Variants in THTPA observed in about 807,000 individuals in gnomAD.
The protein encoded by THTPA is thiamine-triphosphatase.
THTPA carries 16 observed loss-of-function variants against 16.5 expected under a neutral mutation model. That is an observed-to-expected ratio of 0.97 (90% CI 0.66 to 1.47). The LOEUF is 1.47. THTPA is among the 40% of genes most tolerant of loss of function. THTPA has a pLI of 0.00. For synonymous variants in THTPA, 110 were observed against 115.5 expected, an observed-to-expected ratio of 0.95 and a Z score of 0.30; for missense variants, 281 against 280.9, an observed-to-expected ratio of 1.00 and a Z score of 0.00.
the THTPA span, among the ~76,000 whole-genome samples, chr14:23,536,770 G>A: frequency 6.6e-6 from 1 of 152,142 alleles, no homozygotes; most frequent in Non-Finnish European, 1.5e-5. Flanking sequence ...CAAAGTTGTG[G>A]TCTAGACTCC....
chr14:23,525,484 C>T, the THTPA span: 1 of 1,535,860 alleles, frequency 6.5e-7, no homozygotes, highest in Non-Finnish European at 8.7e-7. This position sits in a 1 kb window ranked among gnomAD's most constrained non-coding sequence, Gnocchi z 5.9. Context: ...AGAAGAGTTT[C>T]CCACAGGCCC....
At chr14:23,550,791 AAACG>A in the THTPA span, among the ~76,000 whole-genome samples, 2 of 152,108 alleles carry the variant, frequency 1.3e-5, no homozygotes, top group Non-Finnish European at 2.9e-5. Flanking sequence ...CTTCAGCCAA[AAACG>A]AACGAAGACT....
Position 23,556,460 on chromosome 14 carries a change from ACCCGCT to A in THTPA, c.-297_-292del. On this transcript the variant is annotated 5_prime_UTR_variant, in exon 1 of 2. Transcript: ENST00000288014. ...GTAGAGAGGGGGGCGTTGAAAGGAC[ACCCGCT>A]ACCCGGCCTGCTTTCTAGGGGTCTC... is the stretch of plus-strand genomic sequence containing the variant. 2 of 370,266 alleles carry A rather than the reference ACCCGCT, an allele frequency of 5.4e-6. No homozygotes were observed. Among genetic ancestry groups the A allele is most frequent in the Non-Finnish European group, 9.8e-6 (2 of 204,394 alleles). The allele number at this position is 370,266 out of a possible 1,614,324, so 22.9% of individuals were successfully genotyped here. A position where few individuals can be genotyped will look rare whatever the true frequency, so the allele number is the denominator to read the frequency against.
At chr14:23,522,387 C>T in the THTPA span, 2 of 1,536,310 alleles carry the variant, frequency 1.3e-6, no homozygotes, top group Non-Finnish European at 8.7e-7. Context: ...AGCTCATCAA[C>T]CTCACCAGCT....
the THTPA span, chr14:23,524,479 G>T: frequency 6.5e-7 from 1 of 1,532,302 alleles, no homozygotes. The surrounding 1 kb of genome is among the most constrained non-coding windows in gnomAD (Gnocchi z 5.6). Flanking sequence ...TTGGTGAGGT[G>T]GCTGCCACCA....
chr14:23,552,284 C>T (rs1882027882), upstream of THTPA, among the ~76,000 whole-genome samples: 1 of 150,710 alleles, frequency 6.6e-6, no homozygotes, highest in Non-Finnish European at 1.5e-5. Context: ...TTAAGTGCTC[C>T]TGAATTTTTT....
At chr14:23,535,460 C>G in the THTPA span, 1 of 1,153,490 alleles carries the variant, frequency 8.7e-7, no homozygotes, top group East Asian at 2.7e-5. This position sits in a 1 kb window ranked among gnomAD's most constrained non-coding sequence, Gnocchi z 4.5. Flanking sequence ...CCTGCCCCAT[C>G]CTCTTCCCTG....
At chr14:23,515,720 G>A in the THTPA span, among the ~76,000 whole-genome samples, 4 of 152,180 alleles carry the variant, frequency 2.6e-5, no homozygotes, top group Non-Finnish European at 4.4e-5. Context: ...GATAGGACCT[G>A]CCCAGAGGTA....
At position 23,559,417 on chromosome 14, in the gene THTPA, A is replaced by G. The variant is rs1363679430; in HGVS notation, c.*577A>G. 1.3e-5 allele frequency: 4 copies of G among 318,592 alleles called. No individual in the cohort carries two copies. Among genetic ancestry groups the G allele is most frequent in the Non-Finnish European group, 2.4e-5 (4 of 166,622 alleles). 19.7% of individuals were successfully genotyped at this position (318,592 alleles called of 1,614,324 possible). ...GGCAAATTTGTTCCCTGACCTGGAGAGGGTTAGAAAGAACCAACAGCTGCC... is the reference window on the plus strand; with the variant it reads ...GGCAAATTTGTTCCCTGACCTGGAGGGGGTTAGAAAGAACCAACAGCTGCC... On this transcript the variant is annotated 3_prime_UTR_variant, in exon 2 of 2. Coordinates refer to ENST00000288014, the MANE Select transcript of THTPA (RefSeq NM_024328.6).
the THTPA span, chr14:23,532,486 A>G: frequency 3.6e-6 from 5 of 1,385,140 alleles, no homozygotes; most frequent in African/African-American, 2.9e-5. Context: ...GGGTTTTCCT[A>G]TCACTTTCTT....
chr14:23,555,544 A>G (rs548214228), upstream of THTPA, among the ~76,000 whole-genome samples: 113 of 152,250 alleles, frequency 7.4e-4, no homozygotes, highest in African/African-American at 2.6e-3. Context: ...TTCCTGGCCA[A>G]AATACCACTT....
At chr14:23,522,502 A>G in the THTPA span, 4 of 1,533,428 alleles carry the variant, frequency 2.6e-6, no homozygotes, top group South Asian at 4.8e-5. Flanking sequence ...GGAGCAGCCC[A>G]ATGAGGGTCT....
chr14:23,539,393 T>A, the THTPA span, among the ~76,000 whole-genome samples: 3 of 152,044 alleles, frequency 2.0e-5, no homozygotes, highest in Non-Finnish European at 4.4e-5. Context: ...GGTGGGAAGA[T>A]ACACATTAGG....
the THTPA span, chr14:23,522,294 C>G: frequency 3.3e-6 from 5 of 1,508,404 alleles, no homozygotes; most frequent in Non-Finnish European, 4.4e-6. Flanking sequence ...GCCGGGGCCT[C>G]CCCGTCAAAT....
At chr14:23,521,990 G>A in the THTPA span, 214 of 1,536,404 alleles carry the variant, frequency 1.4e-4, 1 homozygote, top group South Asian at 5.1e-4. Flanking sequence ...AGAGGTAGTC[G>A]TAGTTTTTGG....
chr14:23,525,016 C>T, the THTPA span: 1 of 1,536,236 alleles, frequency 6.5e-7, no homozygotes, highest in Non-Finnish European at 8.7e-7. This position sits in a 1 kb window ranked among gnomAD's most constrained non-coding sequence, Gnocchi z 5.9. Flanking sequence ...CATTCTGGAA[C>T]CACACCACCA....
the THTPA span, chr14:23,530,058 T>C: frequency 2.1e-5 from 30 of 1,423,662 alleles, no homozygotes; most frequent in Middle Eastern, 1.9e-3. Flanking sequence ...CCTGGATTAC[T>C]GCAAGGTCCC....
In THTPA at chr14:23,559,521, C is replaced by T; in HGVS notation, c.*681C>T. The T allele has an allele frequency of 1.9e-6, 1 of 536,446 alleles. No homozygotes were observed. Among genetic ancestry groups the T allele is most frequent in the South Asian group, 2.1e-5 (1 of 48,600 alleles). The allele number at this position is 536,446 out of a possible 1,614,324, so 33.2% of individuals were successfully genotyped here. On this transcript the variant is annotated 3_prime_UTR_variant, in exon 2 of 2. Transcript: ENST00000288014. ...ACCTCCTATGTAAGAATGCTCTTCC[C>T]TTGCTGTTATTCATACACACTTTCC...
chr14:23,522,093 G>T, the THTPA span: 1 of 1,535,980 alleles, frequency 6.5e-7, no homozygotes, highest in Non-Finnish European at 8.7e-7. Flanking sequence ...GAGATGGGTG[G>T]GCCCCCTTGA....
Sources: gnomAD v4.1 joint callset for allele counts (sites outside exome capture counted in the v4.1 genomes callset) on GRCh38, gnomAD v4.1.1 for gene constraint, Gnocchi (gnomAD v3.1) non-coding constraint, MANE v1.5 for transcripts, NCBI Gene and HGNC (gene_info 2026-07-23, HGNC 2026-07-21) for gene names.